The following KCNMA1 variants were observed in gnomAD, a reference collection of about 807,000 sequenced individuals.
KCNMA1 encodes the protein Calcium-activated potassium channel subunit alpha-1.
Under a neutral mutation model 140.0 loss-of-function variants are expected in KCNMA1, and 29 were observed. That is an observed-to-expected ratio of 0.21 (90% CI 0.15 to 0.28). KCNMA1 has a LOEUF of 0.28. KCNMA1 is among the 10% of genes least tolerant of loss of function. KCNMA1 has a pLI of 1.00. For synonymous variants in KCNMA1, 612 were observed against 611.9 expected (o/e 1.00, Z 0.00); for missense variants, 880 against 1,602.2 (o/e 0.55, Z 7.70).
At chr10:77,527,406 C>T (rs986452168) in intron 1 of KCNMA1, among the ~76,000 whole-genome samples, 4 of 152,222 alleles carry the variant, frequency 2.6e-5, no homozygotes, top group African/African-American at 9.6e-5. Context: ...GGGCTGCTTA[C>T]ACAATGGCAG....
chr10:77,133,379 T>A (rs2097906110), intron 5 of KCNMA1, among the ~76,000 whole-genome samples: 1 of 151,796 alleles, frequency 6.6e-6, no homozygotes, highest in Non-Finnish European at 1.5e-5. Context: ...TCCAGGCGCA[T>A]GCTATTTAAA....
At chr10:76,901,199 T>G (rs953939841) in intron 25 of KCNMA1, 1 of 152,194 alleles carries the variant, frequency 6.6e-6, no homozygotes, top group Non-Finnish European at 1.5e-5. Flanking sequence ...TCTGTATTTA[T>G]CCATCCATTT....
At chr10:77,142,369 T>TA (rs10710538) in intron 5 of KCNMA1, among the ~76,000 whole-genome samples, 62 of 132,204 alleles carry the variant, frequency 4.7e-4, no homozygotes, top group South Asian at 1.2e-3. Context: ...AGACTCCATT[T>TA]AAAAAAAAAA....
At chr10:77,129,157 C>T (rs1479583786) in intron 5 of KCNMA1, among the ~76,000 whole-genome samples, 1 of 152,098 alleles carries the variant, frequency 6.6e-6, no homozygotes, top group African/African-American at 2.4e-5. Flanking sequence ...TTTCTTTTCT[C>T]TAACCTTTAA....
chr10:76,950,169 A>G (rs1415606241), intron 21 of KCNMA1, among the ~76,000 whole-genome samples: 1 of 152,194 alleles, frequency 6.6e-6, no homozygotes, highest in Non-Finnish European at 1.5e-5. Context: ...GAGATCTTAT[A>G]CCCTGAAAAA....
At chr10:77,353,491 G>A (rs2093132688) in intron 2 of KCNMA1, among the ~76,000 whole-genome samples, 1 of 151,900 alleles carries the variant, frequency 6.6e-6, no homozygotes, top group East Asian at 1.9e-4. Context: ...TATATGCAAA[G>A]TCTCTAGGGC....
At chr10:77,007,404 C>T (rs1006590559) in intron 18 of KCNMA1, among the ~76,000 whole-genome samples, 2 of 152,016 alleles carry the variant, frequency 1.3e-5, no homozygotes, top group Non-Finnish European at 2.9e-5. Context: ...AGCAAGGGAA[C>T]TTCATAGACT....
chr10:77,621,523 T>TACACACAC (rs55689211), intron 1 of KCNMA1, among the ~76,000 whole-genome samples: 1 of 146,572 alleles, frequency 6.8e-6, no homozygotes, highest in East Asian at 2.0e-4. Context: ...TACGTACATG[T>TACACACAC]ACACACACAC....
rs529453436 is a variant in KCNMA1, at chr10:76,893,380, C to T, written c.3148-1661G>A. 4.6e-5 allele frequency among the ~76,000 whole-genome samples: 7 copies of T among 152,092 alleles called. No homozygotes were observed. In the East Asian group the frequency reaches 7.7e-4, roughly 17 times the overall value. On this transcript the variant is annotated intron_variant, in intron 25 of 27. Transcript: ENST00000286628. ...TTAATCTTCTTTGTTTTCTTGGAGG[C>T]GTGGGGAACTCAGGGCTTTAAAAAC...
At chr10:76,965,066 C>G (rs755670503) in intron 20 of KCNMA1, among the ~76,000 whole-genome samples, 3 of 152,084 alleles carry the variant, frequency 2.0e-5, no homozygotes, top group Non-Finnish European at 4.4e-5. Flanking sequence ...TGGTAAGGCC[C>G]CCAAATTAAG....
At chr10:76,900,433 A>G (rs2044652688) in intron 25 of KCNMA1, among the ~76,000 whole-genome samples, 1 of 152,080 alleles carries the variant, frequency 6.6e-6, no homozygotes, top group Admixed American at 6.5e-5. Flanking sequence ...TCTACTTAGT[A>G]GTTAATTCTT....
chr10:77,512,417 C>A (rs1198800381), intron 1 of KCNMA1, among the ~76,000 whole-genome samples: 2 of 152,106 alleles, frequency 1.3e-5, no homozygotes, highest in East Asian at 3.9e-4. Context: ...TATAATTGCA[C>A]AATTTTATTA....
intron 19 of KCNMA1, chr10:76,974,552 C>A: frequency 6.5e-7 from 1 of 1,548,726 alleles, no homozygotes; most frequent in Non-Finnish European, 8.7e-7. Context: ...TTTGGAATAG[C>A]GTGATCTAGC....
At chr10:77,032,530 AG>A (rs1271871533) in intron 15 of KCNMA1, among the ~76,000 whole-genome samples, 1 of 152,206 alleles carries the variant, frequency 6.6e-6, no homozygotes, top group Admixed American at 6.5e-5. Flanking sequence ...CAACGCAGGA[AG>A]TTGTTGCTGG....
chr10:77,235,477 C>G (rs2055098953), intron 3 of KCNMA1, among the ~76,000 whole-genome samples: 2 of 152,106 alleles, frequency 1.3e-5, no homozygotes, highest in African/African-American at 4.8e-5. Context: ...TCCTGGTCAC[C>G]CGGAGGTGGC....
intron 1 of KCNMA1, among the ~76,000 whole-genome samples, chr10:77,529,398 C>G (rs921292224): frequency 6.6e-5 from 10 of 152,000 alleles, no homozygotes; most frequent in African/African-American, 2.4e-4. Flanking sequence ...CCCCTGCCTG[C>G]TGTAGAAGGC....
chr10:77,387,124 C>G (rs1167132983), intron 2 of KCNMA1, among the ~76,000 whole-genome samples: 1 of 152,156 alleles, frequency 6.6e-6, no homozygotes. Flanking sequence ...ACATAACAAA[C>G]AGGAAAATTG....
Position 77,496,955 on chromosome 10 carries a change from A to G in KCNMA1, c.379-92932T>C, listed in dbSNP as rs141683273. 3.7e-3 allele frequency among the ~76,000 whole-genome samples: 564 copies of G among 152,220 alleles called. 3 individuals are homozygous for G. The highest frequency in any genetic ancestry group is 0.013 in the African/African-American group (548 of 41,538). On this transcript the variant is annotated intron_variant, in intron 1 of 27. Transcript: ENST00000286628. ...TACCCACACTACCTTGCTCTTCCTG[A>G]ATCCTTTGTCCTCACTAGGACACCA...
At chr10:77,329,925 C>G (rs532417406) in intron 2 of KCNMA1, among the ~76,000 whole-genome samples, 1 of 152,176 alleles carries the variant, frequency 6.6e-6, no homozygotes, top group Admixed American at 6.5e-5. Context: ...GATAATGCAC[C>G]CGAATAGCTT....
Sources: allele counts gnomAD v4.1 joint callset (sites outside exome capture counted in the v4.1 genomes callset), GRCh38; gene constraint gnomAD v4.1.1; transcripts MANE v1.5; gene names NCBI Gene and HGNC (gene_info 2026-07-23, HGNC 2026-07-21).